MAP2K4: variants seen among roughly 807,000 people sequenced by gnomAD.
The protein encoded by MAP2K4 is mitogen-activated protein kinase kinase 4.
Under a neutral mutation model 48.5 loss-of-function variants are expected in MAP2K4, and 4 were observed. The ratio of observed to expected loss-of-function variants is 0.08; its 90% CI spans 0.04 to 0.19. The LOEUF is 0.19. MAP2K4 is among the 10% of genes least tolerant of loss of function. MAP2K4 has a pLI of 1.00. For missense variants in MAP2K4, 258 were observed against 493.3 expected, an observed-to-expected ratio of 0.52 and a Z score of 4.52; for synonymous variants, 166 against 173.1, an observed-to-expected ratio of 0.96 and a Z score of 0.32.
chr17:12,066,885 T>TAC (rs1411993786), intron 2 of MAP2K4, among the ~76,000 whole-genome samples: 1 of 152,186 alleles, frequency 6.6e-6, no homozygotes, highest in African/African-American at 2.4e-5. Context: ...GAGACGGGGC[T>TAC]TCACCGTGGT....
chr17:12,069,662 C>G, intron 2 of MAP2K4: 1 of 995,704 alleles, frequency 1.0e-6, no homozygotes, highest in Non-Finnish European at 1.2e-6. Context: ...CATCTTAGAT[C>G]ACAGCAAAGA....
intron 4 of MAP2K4, among the ~76,000 whole-genome samples, chr17:12,097,173 G>A (rs764749678): frequency 6.6e-5 from 10 of 151,878 alleles, no homozygotes; most frequent in African/African-American, 1.5e-4. Context: ...TTTTCTTCAC[G>A]ATCATTAAAT....
At chr17:12,109,379 A>G (rs12451834) in intron 5 of MAP2K4, among the ~76,000 whole-genome samples, 135,356 of 152,220 alleles carry the variant, frequency 0.89, 62,326 homozygotes, top group East Asian at 1. Context: ...AATACTTTGT[A>G]TTTAGTCTCT....
At chr17:12,031,501 G>T (rs941825952) in intron 1 of MAP2K4, among the ~76,000 whole-genome samples, 6 of 152,176 alleles carry the variant, frequency 3.9e-5, no homozygotes, top group African/African-American at 1.2e-4. Flanking sequence ...AGGGGTGAAA[G>T]AATATTTTGT....
intron 1 of MAP2K4, among the ~76,000 whole-genome samples, chr17:12,046,018 G>A (rs772094367): frequency 6.6e-6 from 1 of 152,180 alleles, no homozygotes; most frequent in Non-Finnish European, 1.5e-5. Flanking sequence ...AGAACTCTCA[G>A]CACATGTATA....
At chr17:12,121,683 G>A (rs753201924) in intron 7 of MAP2K4, among the ~76,000 whole-genome samples, 37 of 152,028 alleles carry the variant, frequency 2.4e-4, no homozygotes, top group Non-Finnish European at 4.3e-4. Context: ...GGCGGTTTTG[G>A]AAGTGTTTTC....
intron 1 of MAP2K4, among the ~76,000 whole-genome samples, chr17:12,042,907 C>T (rs1014335287): frequency 5.3e-5 from 8 of 151,960 alleles, no homozygotes; most frequent in South Asian, 2.1e-4. Flanking sequence ...ATTAGCCGGG[C>T]GTAGTGGCGG....
At chr17:12,117,947 A>G (rs1255258471) in intron 7 of MAP2K4, among the ~76,000 whole-genome samples, 1 of 152,204 alleles carries the variant, frequency 6.6e-6, no homozygotes, top group Non-Finnish European at 1.5e-5. Flanking sequence ...GTAATGTATT[A>G]AAAGAGTGGA....
At chr17:12,085,519 T>C (rs1971333240) in intron 3 of MAP2K4, among the ~76,000 whole-genome samples, 1 of 151,928 alleles carries the variant, frequency 6.6e-6, no homozygotes, top group Admixed American at 6.6e-5. Context: ...TTTCAAGTAT[T>C]TTCTTTCTGT....
chr17:12,078,946 A>G lies in MAP2K4; in HGVS notation c.219-2410A>G, dbSNP rs561690526. On this transcript the variant is annotated intron_variant, in intron 2 of 10. Transcript: ENST00000353533. ...GATCGCTAGCCCAGTATAAAGACGA[A>G]TGTATGAACATGCCTTGGTGATGTC... Among the ~76,000 whole-genome samples, 24 of 152,288 alleles carry G rather than the reference A, an allele frequency of 1.6e-4. No individual in the cohort carries two copies. In the South Asian group the frequency reaches 4.6e-3, roughly 29 times the overall value.
chr17:12,085,548 G>C (rs1279721484), intron 3 of MAP2K4, among the ~76,000 whole-genome samples: 1 of 152,112 alleles, frequency 6.6e-6, no homozygotes, highest in Middle Eastern at 3.4e-3. Flanking sequence ...TGCCTAACTT[G>C]TCTTGTTCTT....
intron 3 of MAP2K4, among the ~76,000 whole-genome samples, chr17:12,085,799 C>G (rs951407936): frequency 6.6e-6 from 1 of 152,046 alleles, no homozygotes; most frequent in African/African-American, 2.4e-5. Context: ...CTGAGTAGAA[C>G]GGAACTTTAA....
intron 1 of MAP2K4, among the ~76,000 whole-genome samples, chr17:12,054,659 T>G (rs1258319759): frequency 2.0e-5 from 3 of 152,178 alleles, no homozygotes; most frequent in Non-Finnish European, 4.4e-5. Context: ...GTGATAGCAT[T>G]CTATCTATTG....
intron 5 of MAP2K4, among the ~76,000 whole-genome samples, chr17:12,109,608 A>T (rs1972239408): frequency 6.6e-6 from 1 of 152,184 alleles, no homozygotes; most frequent in South Asian, 2.1e-4. Context: ...TGACCAGGCA[A>T]CAGGATAAAT....
intron 1 of MAP2K4, among the ~76,000 whole-genome samples, chr17:12,042,201 A>G (rs925985253): frequency 2.0e-5 from 3 of 146,792 alleles, no homozygotes; most frequent in Non-Finnish European, 4.5e-5. Flanking sequence ...GGTACCATGT[A>G]GTAGTAACAG....
chr17:12,061,973 G>A (rs963905360), intron 2 of MAP2K4, among the ~76,000 whole-genome samples: 1 of 151,752 alleles, frequency 6.6e-6, no homozygotes, highest in Non-Finnish European at 1.5e-5. Context: ...TTTCCCCAGA[G>A]TTAATAACTG....
chr17:12,033,412 C>T (rs1969500571), intron 1 of MAP2K4, among the ~76,000 whole-genome samples: 1 of 152,058 alleles, frequency 6.6e-6, no homozygotes, highest in Non-Finnish European at 1.5e-5. Flanking sequence ...ATAGTTTCCA[C>T]TGATTGATTG....
chr17:12,099,810 A>G (rs1464937332), intron 4 of MAP2K4, among the ~76,000 whole-genome samples: 1 of 152,218 alleles, frequency 6.6e-6, no homozygotes, highest in East Asian at 1.9e-4. Context: ...AGTATCACTT[A>G]AAAATTTTTC....
intron 7 of MAP2K4, among the ~76,000 whole-genome samples, chr17:12,122,434 G>A (rs916396460): frequency 1.3e-5 from 2 of 152,018 alleles, no homozygotes; most frequent in South Asian, 2.1e-4. Context: ...GACCTGTCTC[G>A]GATTTCTTTT....
Sources: allele counts gnomAD v4.1 joint callset (sites outside exome capture counted in the v4.1 genomes callset), GRCh38; gene constraint gnomAD v4.1.1; transcripts MANE v1.5; gene names NCBI Gene and HGNC (gene_info 2026-07-23, HGNC 2026-07-21).